Variants in PTPRT observed in about 807,000 individuals in gnomAD.
PTPRT encodes the protein protein tyrosine phosphatase receptor type T, also known as receptor-type tyrosine-protein phosphatase T.
PTPRT carries 56 observed loss-of-function variants against 176.8 expected under a neutral mutation model. The observed-to-expected ratio is 0.32, with a 90% confidence interval of 0.26 to 0.40. The LOEUF (loss-of-function observed/expected upper bound fraction) is 0.40, where lower values mean the gene tolerates loss of function less well. PTPRT is among the 10% of genes least tolerant of loss of function. The probability of loss-of-function intolerance (pLI) is 1.00; values close to 1 mark genes in which losing one functional copy is unlikely to be tolerated. For synonymous variants in PTPRT, 783 were observed against 739.0 expected (o/e 1.06, Z -0.96); for missense variants, 1,540 against 1,908.2 (o/e 0.81, Z 3.60).
chr20:42,704,714 T>C (rs1183903051), intron 6 of PTPRT, among the ~76,000 whole-genome samples: 1 of 152,108 alleles, frequency 6.6e-6, no homozygotes, highest in African/African-American at 2.4e-5. Flanking sequence ...ACACACACTG[T>C]TATGCACCCA....
intron 9 of PTPRT, among the ~76,000 whole-genome samples, chr20:42,383,340 A>G (rs1001242621): frequency 3.9e-5 from 6 of 151,948 alleles, no homozygotes; most frequent in African/African-American, 1.5e-4. Context: ...TCCATGGCTT[A>G]TGTGACTGTG....
chr20:42,222,783 C>T (rs1044540950), intron 15 of PTPRT, among the ~76,000 whole-genome samples: 1 of 152,166 alleles, frequency 6.6e-6, no homozygotes, highest in Non-Finnish European at 1.5e-5. Flanking sequence ...AACATGTTTC[C>T]CCGAGTTCTG....
rs142815844 is a variant in PTPRT at position 43,029,200 on chromosome 20, A to G, written c.89-143268T>C. Among the ~76,000 whole-genome samples the G allele has an allele frequency of 2.9e-3, 442 of 152,358 alleles. 2 individuals are homozygous for G. The highest frequency in any genetic ancestry group is 5.0e-3 in the Non-Finnish European group (339 of 68,028). On this transcript the variant is annotated intron_variant, in intron 1 of 30. Coordinates refer to ENST00000373187, the MANE Select transcript of PTPRT (RefSeq NM_007050.6). ...CTTTAAAAGGGCATTTTTCAAAGCCATGATGGTACAGTAGTCACACTGTCT... is the reference window on the plus strand; with the variant it reads ...CTTTAAAAGGGCATTTTTCAAAGCCGTGATGGTACAGTAGTCACACTGTCT...
At chr20:42,635,545 G>A (rs369820466) in intron 7 of PTPRT, among the ~76,000 whole-genome samples, 1 of 152,044 alleles carries the variant, frequency 6.6e-6, no homozygotes, top group African/African-American at 2.4e-5. Context: ...TATAATCCTT[G>A]AAAAATTGTT....
intron 13 of PTPRT, among the ~76,000 whole-genome samples, chr20:42,278,376 G>T (rs558265594): frequency 8.6e-5 from 13 of 150,852 alleles, no homozygotes; most frequent in East Asian, 7.9e-4. Context: ...AGTTTGATGT[G>T]CCTGAAAAAC....
intron 1 of PTPRT, among the ~76,000 whole-genome samples, chr20:43,019,634 A>G (rs911578581): frequency 6.6e-6 from 1 of 151,652 alleles, no homozygotes; most frequent in Non-Finnish European, 1.5e-5. Context: ...AAAAAAAAAA[A>G]AAGAATAATT....
chr20:42,196,233 G>A (rs73262922), intron 16 of PTPRT, among the ~76,000 whole-genome samples: 2,230 of 152,312 alleles, frequency 0.015, 48 homozygotes, highest in African/African-American at 0.052. Flanking sequence ...TCAATCAGAT[G>A]AACTTGCAAA....
intron 9 of PTPRT, among the ~76,000 whole-genome samples, chr20:42,368,048 G>A (rs1217947854): frequency 6.6e-6 from 1 of 152,148 alleles, no homozygotes; most frequent in Non-Finnish European, 1.5e-5. Context: ...GAGAGGACAA[G>A]TTGGTGCAGG....
chr20:42,356,291 TG>T (rs2058357236), intron 9 of PTPRT, among the ~76,000 whole-genome samples: 1 of 152,148 alleles, frequency 6.6e-6, no homozygotes, highest in Non-Finnish European at 1.5e-5. Context: ...ACATCAACCC[TG>T]GGCTCCTGGC....
chr20:42,950,889 T>C (rs1981197072), intron 1 of PTPRT, among the ~76,000 whole-genome samples: 1 of 152,224 alleles, frequency 6.6e-6, no homozygotes, highest in African/African-American at 2.4e-5. Flanking sequence ...TATATTTTAG[T>C]ATTTTAGATG....
intron 6 of PTPRT, among the ~76,000 whole-genome samples, chr20:42,740,140 G>A (rs1485554936): frequency 6.6e-6 from 1 of 152,170 alleles, no homozygotes; most frequent in African/African-American, 2.4e-5. Flanking sequence ...TGCCCTTGAG[G>A]TTGTTAAACT....
chr20:43,172,736 A>G (rs2015032834), intron 1 of PTPRT, among the ~76,000 whole-genome samples: 1 of 152,214 alleles, frequency 6.6e-6, no homozygotes, highest in African/African-American at 2.4e-5. Flanking sequence ...GCAAGTTACT[A>G]CAATTTGCCT....
At chr20:42,453,674 CTT>C (rs576538683) in intron 8 of PTPRT, among the ~76,000 whole-genome samples, 2 of 136,614 alleles carry the variant, frequency 1.5e-5, no homozygotes, top group African/African-American at 2.8e-5. Context: ...TTTTTCTTTT[CTT>C]TTTTTTTTTT....
intron 14 of PTPRT, among the ~76,000 whole-genome samples, chr20:42,243,560 A>G (rs923115243): frequency 1.3e-5 from 2 of 152,220 alleles, no homozygotes; most frequent in East Asian, 1.9e-4. Context: ...GAGAAATCTC[A>G]GGACATTTCA....
chr20:42,071,682 G>T (rs1370335291), downstream of PTPRT, among the ~76,000 whole-genome samples: 1 of 152,022 alleles, frequency 6.6e-6, no homozygotes, highest in African/African-American at 2.4e-5. Context: ...TTTGAGACAG[G>T]ATATCACTCT....
At chr20:42,429,950 C>T (rs146787472) in intron 9 of PTPRT, among the ~76,000 whole-genome samples, 1 of 152,318 alleles carries the variant, frequency 6.6e-6, no homozygotes, top group East Asian at 1.9e-4. Flanking sequence ...GGGAACTGGG[C>T]AAGCCCGCAA....
At chr20:42,770,916 C>T (rs1233998130) in intron 5 of PTPRT, among the ~76,000 whole-genome samples, 1 of 152,152 alleles carries the variant, frequency 6.6e-6, no homozygotes, top group African/African-American at 2.4e-5. Flanking sequence ...CTAGCAGAAT[C>T]GTAGTTAAGA....
chr20:42,437,053 G>A (rs2059268294), intron 9 of PTPRT, among the ~76,000 whole-genome samples: 1 of 152,210 alleles, frequency 6.6e-6, no homozygotes, highest in Admixed American at 6.5e-5. Flanking sequence ...TAGAAGAGTG[G>A]AGGGGTCAGG....
intron 6 of PTPRT, among the ~76,000 whole-genome samples, chr20:42,695,483 A>G (rs1315362521): frequency 6.6e-6 from 1 of 152,190 alleles, no homozygotes; most frequent in African/African-American, 2.4e-5. Context: ...TTTTAGTGGT[A>G]TTTATTTTTT....
Sources: gnomAD v4.1 joint callset for allele counts (sites outside exome capture counted in the v4.1 genomes callset) on GRCh38, gnomAD v4.1.1 for gene constraint, MANE v1.5 for transcripts, NCBI Gene and HGNC (gene_info 2026-07-23, HGNC 2026-07-21) for gene names.